DAB2IP: variants seen among roughly 807,000 people sequenced by gnomAD.
DAB2IP encodes the protein disabled homolog 2-interacting protein.
A neutral mutation model predicts 107.2 loss-of-function variants in DAB2IP; 28 were observed. The observed-to-expected ratio is 0.26, with a 90% confidence interval of 0.19 to 0.36. The LOEUF (loss-of-function observed/expected upper bound fraction) is 0.36, where lower values mean the gene tolerates loss of function less well. Ranked by LOEUF, DAB2IP falls within the 10% of genes least tolerant of loss-of-function variation. The probability of loss-of-function intolerance (pLI) is 1.00; values close to 1 mark genes in which losing one functional copy is unlikely to be tolerated. For synonymous variants in DAB2IP, 755 were observed against 706.4 expected, an observed-to-expected ratio of 1.07 and a Z score of -1.09; for missense variants, 1,400 against 1,644.7, an observed-to-expected ratio of 0.85 and a Z score of 2.57.
intron 1 of DAB2IP, among the ~76,000 whole-genome samples, chr9:121,603,298 G>A (rs1352976512): frequency 1.3e-5 from 2 of 152,228 alleles, no homozygotes; most frequent in African/African-American, 4.8e-5. Flanking sequence ...CTCACTAGGA[G>A]AGATACAGGG....
At chr9:121,777,203 G>A (rs747127109) in intron 14 of DAB2IP, among the ~76,000 whole-genome samples, 9 of 152,094 alleles carry the variant, frequency 5.9e-5, no homozygotes, top group African/African-American at 1.2e-4. Context: ...GTTTGAATTG[G>A]CCTGGTCTAA....
At chr9:121,648,922 A>G (rs931802534), upstream of DAB2IP, among the ~76,000 whole-genome samples, 26 of 152,130 alleles carry the variant, frequency 1.7e-4, no homozygotes, top group Non-Finnish European at 3.4e-4. Context: ...CAGAGAGAGA[A>G]AGCCACAGGG....
intron 2 of DAB2IP, among the ~76,000 whole-genome samples, chr9:121,688,154 A>C (rs1022874423): frequency 4.6e-5 from 7 of 152,158 alleles, no homozygotes. Flanking sequence ...GTCAGGGGCA[A>C]GGCTCAGACG....
intron 3 of DAB2IP, among the ~76,000 whole-genome samples, chr9:121,700,495 A>G (rs955733788): frequency 6.6e-6 from 1 of 152,108 alleles, no homozygotes; most frequent in Admixed American, 6.5e-5. Context: ...CCTTTTCAGC[A>G]TTCAGCCCGA....
At position 121,782,672 on chromosome 9, in the gene DAB2IP, T is replaced by C; in HGVS notation, c.*174T>C. On this transcript the variant is annotated 3_prime_UTR_variant, in exon 16 of 16. Transcript: ENST00000408936. This position sits in a 1 kb window ranked among gnomAD's most constrained non-coding sequence, Gnocchi z 6.1. ...GGCCGCAGAGGGAGCCACCAGAGAC[T>C]GAAGCAGCGTGAGGCGAGGTCACCA... 1 of 1,436,736 alleles carries C rather than the reference T, an allele frequency of 7.0e-7. No homozygotes were observed. Among genetic ancestry groups the C allele is most frequent in the East Asian group, 2.5e-5 (1 of 39,766 alleles). 89.0% of individuals were successfully genotyped at this position (1,436,736 alleles called of 1,614,324 possible). A position where few individuals can be genotyped will look rare whatever the true frequency, so the allele number is the denominator to read the frequency against.
chr9:121,674,583 C>T (rs1219583547), intron 1 of DAB2IP, among the ~76,000 whole-genome samples: 1 of 152,128 alleles, frequency 6.6e-6, no homozygotes, highest in South Asian at 2.1e-4. Flanking sequence ...AAGTTAAAGA[C>T]TTCTGGGAGC....
chr9:121,571,103 T>A (rs995882655), intron 1 of DAB2IP, among the ~76,000 whole-genome samples: 3 of 152,114 alleles, frequency 2.0e-5, no homozygotes, highest in African/African-American at 7.3e-5. Context: ...TTCCCTGAGC[T>A]AATTCCTCCT....
chr9:121,640,420 A>G (rs1462699884), intron 1 of DAB2IP, among the ~76,000 whole-genome samples: 1 of 152,162 alleles, frequency 6.6e-6, no homozygotes, highest in Non-Finnish European at 1.5e-5. Context: ...CATCAGAGAA[A>G]GCAGGCCCAG....
chr9:121,577,901 G>A (rs113738630), intron 1 of DAB2IP, among the ~76,000 whole-genome samples: 11 of 152,248 alleles, frequency 7.2e-5, no homozygotes, highest in South Asian at 6.2e-4. Flanking sequence ...AGGTCAGGGC[G>A]TCACTCAGGG....
At chr9:121,750,034 T>TA (rs1832994297) in intron 3 of DAB2IP, among the ~76,000 whole-genome samples, 1 of 152,118 alleles carries the variant, frequency 6.6e-6, no homozygotes, top group African/African-American at 2.4e-5. Context: ...CATGAACAGT[T>TA]ATGAGCAATG....
chr9:121,690,928 T>C (rs1829129676), intron 2 of DAB2IP, among the ~76,000 whole-genome samples: 1 of 152,254 alleles, frequency 6.6e-6, no homozygotes, highest in Admixed American at 6.5e-5. Context: ...CACCTCTGCT[T>C]ATGCTGTGAG....
At chr9:121,774,504 G>A in intron 13 of DAB2IP, 92 bp downstream of exon 13, 1 of 1,408,380 alleles carries the variant, frequency 7.1e-7, no homozygotes. Context: ...CCAGCAACGG[G>A]TGCTGCTGTC....
intron 1 of DAB2IP, among the ~76,000 whole-genome samples, chr9:121,588,821 G>C (rs1830364942): frequency 6.6e-6 from 1 of 151,872 alleles, no homozygotes. Context: ...CCAGGAAGGA[G>C]GTGTCACCTC....
Position 121,776,540 on chromosome 9 carries a change from C to T in DAB2IP, c.3314+149C>T, listed in dbSNP as rs527427496. The stretch of plus-strand genomic sequence containing the variant: ...GAGAGTGTCTGGGCAGTGGGAGCAG[C>T]GTGAGCACAGGCCTGGAGGCAGGAG... On this transcript the variant is annotated intron_variant, in intron 14 of 15. Transcript: ENST00000408936. This position sits in a 1 kb window ranked among gnomAD's most constrained non-coding sequence, Gnocchi z 5.4. 54 of 980,344 alleles carry T rather than the reference C, an allele frequency of 5.5e-5. No individual in the cohort carries two copies. Among genetic ancestry groups the T allele is most frequent in the South Asian group, 3.3e-4 (19 of 57,590 alleles). 60.7% of individuals were successfully genotyped at this position (980,344 alleles called of 1,614,324 possible).
At chr9:121,637,615 T>C (rs1406257342) in intron 1 of DAB2IP, among the ~76,000 whole-genome samples, 3 of 152,120 alleles carry the variant, frequency 2.0e-5, no homozygotes, top group African/African-American at 4.8e-5. Context: ...AGTTAGCCCC[T>C]GAGTAGGAGG....
intron 1 of DAB2IP, among the ~76,000 whole-genome samples, chr9:121,678,326 C>T (rs1053708106): frequency 2.2e-4 from 33 of 152,326 alleles, no homozygotes; most frequent in African/African-American, 7.7e-4. Context: ...AACTTCATTC[C>T]TTTTTAGAGC....
chr9:121,778,160 C>T (rs1835337552), intron 14 of DAB2IP, among the ~76,000 whole-genome samples: 1 of 152,208 alleles, frequency 6.6e-6, no homozygotes, highest in African/African-American at 2.4e-5. Flanking sequence ...TGCACCGTTG[C>T]TGTGTTCTCA....
intron 1 of DAB2IP, among the ~76,000 whole-genome samples, chr9:121,569,891 G>A (rs1018223031): frequency 1.3e-5 from 2 of 152,208 alleles, no homozygotes; most frequent in African/African-American, 2.4e-5. Flanking sequence ...CTAGGCTCAA[G>A]GGATCCTTCT....
rs113738112 is a variant in DAB2IP, at chr9:121,633,432, C to T, written c.41-45246C>T. The stretch of plus-strand genomic sequence containing the variant: ...CTGCAAACAGAGTGCCTGGTGAGGC[C>T]GTTCAGCGTCTGTGCTTTGTTATTC... On this transcript the variant is annotated intron_variant, in intron 1 of 16. Transcript: ENST00000259371. This position sits in a 1 kb window ranked among gnomAD's most constrained non-coding sequence, Gnocchi z 5.1. 4.6e-5 allele frequency among the ~76,000 whole-genome samples: 7 copies of T among 152,224 alleles called. No homozygotes were observed. The highest frequency in any genetic ancestry group is 1.9e-4 in the East Asian group (1 of 5,168).
Sources: allele counts gnomAD v4.1 joint callset (sites outside exome capture counted in the v4.1 genomes callset), GRCh38; gene constraint gnomAD v4.1.1; non-coding constraint Gnocchi (gnomAD v3.1); transcripts MANE v1.5; gene names NCBI Gene and HGNC (gene_info 2026-07-23, HGNC 2026-07-21).